Variants in ADGRF5 observed in about 807,000 individuals in gnomAD.
The protein encoded by ADGRF5 is G-protein coupled receptor 116.
In ADGRF5, 75 loss-of-function variants were observed where a neutral mutation model predicts 132.3. The observed-to-expected ratio is 0.57, with a 90% CI of 0.47 to 0.69. The LOEUF (loss-of-function observed/expected upper bound fraction) is 0.69. Among genes scored for constraint, ADGRF5 ranks in the 30% least tolerant of loss-of-function variants. The pLI, the probability that ADGRF5 is intolerant of heterozygous loss-of-function variation, is 0.00. For missense variants in ADGRF5, 1,516 were observed against 1,630.6 expected, an observed-to-expected ratio of 0.93 and a Z score of 1.21; for synonymous variants, 629 against 597.6, an observed-to-expected ratio of 1.05 and a Z score of -0.77.
chr6:46,925,835 C>T (rs1777219227), upstream of ADGRF5, among the ~76,000 whole-genome samples: 1 of 152,324 alleles, frequency 6.6e-6, no homozygotes, highest in Middle Eastern at 3.4e-3. Context: ...CAGCCCTGGC[C>T]AGCATAGCTA....
intron 1 of ADGRF5, among the ~76,000 whole-genome samples, chr6:46,921,485 C>G (rs75931846): frequency 1.3e-5 from 2 of 152,032 alleles, no homozygotes; most frequent in Admixed American, 6.5e-5. Context: ...TTGCTTGATA[C>G]GCCATCTCCT....
At chr6:46,899,901 C>T in intron 3 of ADGRF5, 128 bp downstream of exon 3, 1 of 656,552 alleles carries the variant, frequency 1.5e-6, no homozygotes, top group Non-Finnish European at 2.7e-6. Context: ...TTTTGGAAAT[C>T]ACACTGCACT....
chr6:46,867,984 G>A (rs936229102), intron 12 of ADGRF5, among the ~76,000 whole-genome samples: 1 of 152,158 alleles, frequency 6.6e-6, no homozygotes, highest in Admixed American at 6.5e-5. Context: ...ATTGAGGTCA[G>A]CCTGGAAGAA....
chr6:46,900,406 A>G (rs1393490083), intron 2 of ADGRF5, among the ~76,000 whole-genome samples: 2 of 152,200 alleles, frequency 1.3e-5, no homozygotes, highest in South Asian at 2.1e-4. Context: ...ATAATGTTCT[A>G]AACTTGTACT....
intron 15 of ADGRF5, 42 bp downstream of exon 15, chr6:46,862,846 A>T: frequency 7.6e-7 from 1 of 1,312,742 alleles, no homozygotes; most frequent in Non-Finnish European, 1.1e-6. Context: ...AGCCAGATAG[A>T]TCGCCCCACC....
At chr6:46,879,218 T>C in intron 9 of ADGRF5, among the ~76,000 whole-genome samples, 1 of 151,066 alleles carries the variant, frequency 6.6e-6, no homozygotes, top group Non-Finnish European at 1.5e-5. Context: ...AAAATAATTA[T>C]ATTATATACT....
chr6:46,940,620 A>C (rs1028495714), intron 1 of ADGRF5, among the ~76,000 whole-genome samples: 3 of 152,202 alleles, frequency 2.0e-5, no homozygotes, highest in African/African-American at 4.8e-5. Context: ...AGTGTGCTAA[A>C]AAGCCACAGC....
At chr6:46,916,789 C>T (rs932360771) in intron 1 of ADGRF5, among the ~76,000 whole-genome samples, 11 of 152,224 alleles carry the variant, frequency 7.2e-5, no homozygotes, top group South Asian at 4.1e-4. Flanking sequence ...ATGATCACCA[C>T]GACCTAATGT....
intron 1 of ADGRF5, among the ~76,000 whole-genome samples, chr6:46,938,439 C>T (rs959273709): frequency 2.0e-5 from 3 of 152,238 alleles, no homozygotes; most frequent in Middle Eastern, 3.4e-3. Context: ...GAATGAGAAA[C>T]TTGGGGGCTG....
intron 10 of ADGRF5, among the ~76,000 whole-genome samples, chr6:46,877,275 CTT>C (rs1158537209): frequency 0.023 from 1,068 of 47,158 alleles, 8 homozygotes; most frequent in Non-Finnish European, 0.028. Context: ...TTCTTTCTTT[CTT>C]TCTTTCTTTC....
chr6:46,900,228 C>A, intron 2 of ADGRF5, 145 bp from the exon 3 acceptor site: 1 of 654,588 alleles, frequency 1.5e-6, no homozygotes, highest in Non-Finnish European at 2.8e-6. Flanking sequence ...GGATGCTGGG[C>A]ACATAGCAAT....
intron 3 of ADGRF5, among the ~76,000 whole-genome samples, chr6:46,896,206 G>A (rs938816307): frequency 2.6e-5 from 4 of 152,094 alleles, no homozygotes; most frequent in Admixed American, 6.5e-5. Flanking sequence ...CCTCTCTGTG[G>A]CAGCCGCTCA....
At chr6:46,888,730 G>A (rs1455130708) in intron 3 of ADGRF5, among the ~76,000 whole-genome samples, 1 of 152,204 alleles carries the variant, frequency 6.6e-6, no homozygotes, top group Non-Finnish European at 1.5e-5. Flanking sequence ...AATGTAACGA[G>A]GCAAGAGCGG....
chr6:46,951,015 C>T (rs1015406855), intron 1 of ADGRF5, among the ~76,000 whole-genome samples: 1 of 152,200 alleles, frequency 6.6e-6, no homozygotes, highest in African/African-American at 2.4e-5. Flanking sequence ...AATATTGAGC[C>T]AGATATAGTC....
At chr6:46,951,000 AAAGAAAT>A (rs1272126720) in intron 1 of ADGRF5, among the ~76,000 whole-genome samples, 2 of 152,354 alleles carry the variant, frequency 1.3e-5, no homozygotes, top group East Asian at 3.9e-4. Context: ...TCTCATTAAA[AAAGAAAT>A]ATTGAGCCAG....
chr6:46,862,976 A>G lies in ADGRF5; in HGVS notation c.2111T>C (p.Ile704Thr), dbSNP rs1456497557. 1 of 1,613,332 alleles carries G rather than the reference A, an allele frequency of 6.2e-7. No homozygotes were observed. The change falls in exon 15 of 21, where the codon ATC becomes ACC. Residue 704 changes from isoleucine to threonine, a missense_variant. Physicochemically the swap from Ile to Thr is moderately conservative, Grantham distance 89. This residue lies in a region of ADGRF5 where 945 missense variants were observed against 929.4 expected (regional missense o/e 1.02). Coordinates refer to ENST00000283296, the MANE Select transcript of ADGRF5 (RefSeq NM_001098518.2). ...SSPESPIGGT[I>T]TYKCVGSQWE... is the part of the protein sequence containing the mutation. ...CTGGGAGCCTACACATTTGTAAGTG[A>G]TGGTCCCGCCAATGGGACTCTCAGG...
At position 46,884,291 on chromosome 6, in the gene ADGRF5, C is replaced by A; in HGVS notation, c.329-20G>T. ...TGCAGACTATCGTTAATCAGAACAGCAAGGAGAGAGAAGGTGGAGAAGGTG... is the reference window on the plus strand; with the variant it reads ...TGCAGACTATCGTTAATCAGAACAGAAAGGAGAGAGAAGGTGGAGAAGGTG... On this transcript the variant is annotated intron_variant, in intron 4 of 20. Coordinates refer to ENST00000283296, the MANE Select transcript of ADGRF5 (RefSeq NM_001098518.2). 6.3e-7 allele frequency: 1 copy of A among 1,594,086 alleles called. No individual in the cohort carries two copies. Among genetic ancestry groups the A allele is most frequent in the Non-Finnish European group, 8.6e-7 (1 of 1,164,322 alleles).
At chr6:46,953,649 G>GTATATATATATATATA (rs1408461844) in intron 1 of ADGRF5, among the ~76,000 whole-genome samples, 5 of 91,506 alleles carry the variant, frequency 5.5e-5, no homozygotes, top group African/African-American at 2.3e-4. Flanking sequence ...ATAGATATAT[G>GTATATATATATATATA]TGTATATATA....
intron 20 of ADGRF5, among the ~76,000 whole-genome samples, chr6:46,855,725 A>T (rs1188919772): frequency 2.0e-5 from 3 of 152,208 alleles, no homozygotes; most frequent in East Asian, 3.8e-4. Context: ...AGCTCTCCAA[A>T]TCATTGTCTA....
Sources: allele counts gnomAD v4.1 joint callset (sites outside exome capture counted in the v4.1 genomes callset), GRCh38; gene constraint gnomAD v4.1.1; regional missense constraint gnomAD v4.1.1; transcripts MANE v1.5; gene names NCBI Gene and HGNC (gene_info 2026-07-23, HGNC 2026-07-21).